ERAP1: variants seen among roughly 807,000 people sequenced by gnomAD.
ERAP1 encodes the protein adipocyte-derived leucine aminopeptidase.
A neutral mutation model predicts 103.7 loss-of-function variants in ERAP1; 86 were observed. The observed-to-expected ratio is 0.83, with a 90% CI of 0.70 to 0.99. The LOEUF (loss-of-function observed/expected upper bound fraction) is 0.99. Among genes scored for constraint, ERAP1 ranks in the 50% least tolerant of loss-of-function variants. The pLI, the probability that ERAP1 is intolerant of heterozygous loss-of-function variation, is 0.00. For missense variants in ERAP1, 1,009 were observed against 1,128.4 expected (o/e 0.89, Z 1.52); for synonymous variants, 398 against 402.4 (o/e 0.99, Z 0.13).
intron 5 of ERAP1, among the ~76,000 whole-genome samples, chr5:96,794,302 T>C (rs1333317127): frequency 6.9e-6 from 1 of 145,874 alleles, no homozygotes; most frequent in Non-Finnish European, 1.5e-5. Context: ...GATCCTCCCA[T>C]CTCAGCCTTG....
At chr5:96,930,798 T>C in the ERAP1 span, among the ~76,000 whole-genome samples, 1 of 152,158 alleles carries the variant, frequency 6.6e-6, no homozygotes, top group Non-Finnish European at 1.5e-5. Flanking sequence ...GTCAATGCAA[T>C]AGAGATTGAT....
At chr5:96,930,975 G>T in the ERAP1 span, among the ~76,000 whole-genome samples, 1 of 152,092 alleles carries the variant, frequency 6.6e-6, no homozygotes, top group African/African-American at 2.4e-5. Flanking sequence ...AGGATATGCA[G>T]GCTGGACTGG....
At chr5:96,851,653 C>T in the ERAP1 span, among the ~76,000 whole-genome samples, 3 of 152,260 alleles carry the variant, frequency 2.0e-5, no homozygotes, top group Admixed American at 6.5e-5. Flanking sequence ...TTTATGAATT[C>T]AATCCAAGAC....
the ERAP1 span, chr5:96,880,218 G>C: frequency 1.2e-4 from 198 of 1,613,752 alleles, no homozygotes; most frequent in Non-Finnish European, 1.6e-4. Flanking sequence ...GGCTTTGAAG[G>C]GTTTTATAAA....
chr5:96,879,672 A>G, the ERAP1 span: 3 of 1,605,230 alleles, frequency 1.9e-6, no homozygotes, highest in Non-Finnish European at 2.6e-6. Context: ...CTTGTCTTCT[A>G]GAGAATAGAT....
At chr5:96,820,482 T>C in the ERAP1 span, among the ~76,000 whole-genome samples, 1 of 152,226 alleles carries the variant, frequency 6.6e-6, no homozygotes, top group Non-Finnish European at 1.5e-5. Flanking sequence ...GATTTGAATG[T>C]TGATAAACAG....
chr5:96,843,757 C>A, the ERAP1 span, among the ~76,000 whole-genome samples: 4 of 152,228 alleles, frequency 2.6e-5, no homozygotes, highest in Admixed American at 2.6e-4. Flanking sequence ...TAAACTCTGA[C>A]GGCCATTCGT....
At chr5:96,771,970 C>G, downstream of ERAP1, 1 of 270,554 alleles carries the variant, frequency 3.7e-6, no homozygotes, top group Non-Finnish European at 7.0e-6. Context: ...GAATGACCAT[C>G]TGAGGCTAGT....
chr5:96,880,025 G>T, the ERAP1 span: 434 of 1,614,154 alleles, frequency 2.7e-4, 1 homozygote, highest in African/African-American at 5.0e-3. Context: ...GCACAGCAAA[G>T]ATCTTGAAAT....
At chr5:96,811,166 TC>T (rs1318947056), upstream of ERAP1, among the ~76,000 whole-genome samples, 1 of 152,060 alleles carries the variant, frequency 6.6e-6, no homozygotes, top group Non-Finnish European at 1.5e-5. Context: ...ATGACTTTTT[TC>T]CCCCTCTGTG....
In ERAP1 at chr5:96,790,220, G is replaced by A. The variant is rs1776568808; in HGVS notation, c.1524+76C>T. 10 of 1,306,598 alleles carry A rather than the reference G, an allele frequency of 7.7e-6. No individual in the cohort carries two copies. In the Admixed American group the frequency reaches 1.7e-4, roughly 23 times the overall value. The allele number at this position is 1,306,598 out of a possible 1,614,324, so 80.9% of individuals were successfully genotyped here. On this transcript the variant is annotated intron_variant, in intron 10 of 18. Coordinates refer to ENST00000443439, the MANE Select transcript of ERAP1 (RefSeq NM_001040458.3). Reference sequence around the variant, plus strand: ...TATAATCAAGGACCTCAGAAAGTTTGGCACAGAGCTGCCTTTCAAAGAATA... The same window carrying A: ...TATAATCAAGGACCTCAGAAAGTTTAGCACAGAGCTGCCTTTCAAAGAATA...
chr5:96,840,253 C>T, the ERAP1 span, among the ~76,000 whole-genome samples: 1 of 152,182 alleles, frequency 6.6e-6, no homozygotes, highest in Non-Finnish European at 1.5e-5. Flanking sequence ...GACTTATTAA[C>T]CCCAACATTA....
chr5:96,773,086 T>C (rs190256645), downstream of ERAP1: 18 of 154,014 alleles, frequency 1.2e-4, no homozygotes, highest in African/African-American at 4.3e-4. Flanking sequence ...TTACCCCCTT[T>C]CCTCTTGGGC....
At chr5:96,902,164 T>G in the ERAP1 span, 359 of 686,132 alleles carry the variant, frequency 5.2e-4, 1 homozygote, top group Non-Finnish European at 7.2e-4. Flanking sequence ...GTGGGTAGTA[T>G]GAAGGATGAT....
chr5:96,794,102 GA>G, intron 5 of ERAP1, 145 bp from the exon 6 acceptor site: 1 of 598,706 alleles, frequency 1.7e-6, no homozygotes. Context: ...TCACAATGGA[GA>G]AAAAGAGGCT....
chr5:96,880,112 C>T, the ERAP1 span: 3 of 1,614,098 alleles, frequency 1.9e-6, no homozygotes, highest in Non-Finnish European at 1.7e-6. Context: ...TTTGAGTTAC[C>T]CTGCTCATGA....
chr5:96,848,840 A>G, the ERAP1 span: 1 of 151,852 alleles, frequency 6.6e-6, no homozygotes, highest in Non-Finnish European at 1.5e-5. Context: ...GAAAAAAAAA[A>G]GCTACAAATA....
chr5:96,807,177 A>G (rs1778716169), intron 1 of ERAP1, among the ~76,000 whole-genome samples: 1 of 152,216 alleles, frequency 6.6e-6, no homozygotes, highest in African/African-American at 2.4e-5. Context: ...GCACCCAGAT[A>G]GGAAACTTTT....
chr5:96,915,742 C>T, the ERAP1 span: 1 of 1,600,092 alleles, frequency 6.2e-7, no homozygotes, highest in Non-Finnish European at 8.5e-7. Context: ...CAACAGCTCA[C>T]TTTTCTTCCA....
Sources: gnomAD v4.1 joint callset for allele counts (sites outside exome capture counted in the v4.1 genomes callset) on GRCh38, gnomAD v4.1.1 for gene constraint, MANE v1.5 for transcripts, NCBI Gene and HGNC (gene_info 2026-07-23, HGNC 2026-07-21) for gene names.